Variants in SYNE3 observed in about 807,000 individuals in gnomAD.
The protein encoded by SYNE3 is nesprin-3.
Under a neutral mutation model 111.2 loss-of-function variants are expected in SYNE3, and 100 were observed. The observed-to-expected ratio is 0.90, with a 90% CI of 0.77 to 1.06. The LOEUF is 1.06. SYNE3 is among the 50% of genes least tolerant of loss of function. The pLI is 0.00. For synonymous variants in SYNE3, 547 were observed against 533.9 expected (o/e 1.02, Z -0.34); for missense variants, 1,160 against 1,240.3 (o/e 0.94, Z 0.97).
chr14:95,485,059 C>G lies in SYNE3; in HGVS notation c.-14-9224G>C, dbSNP rs893235730. Among the ~76,000 whole-genome samples the G allele has an allele frequency of 6.6e-6, 1 of 152,108 alleles. No individual in the cohort carries two copies. Among genetic ancestry groups the G allele is most frequent in the African/African-American group, 2.4e-5 (1 of 41,392 alleles). ...CTGCTCCAGGACCTCACTTTGAGAACCATGGGCTTGGAGGATGTCTCAGCC... is the reference window on the plus strand; with the variant it reads ...CTGCTCCAGGACCTCACTTTGAGAAGCATGGGCTTGGAGGATGTCTCAGCC... On this transcript the variant is annotated intron_variant, in intron 1 of 17. Coordinates refer to ENST00000682763, the MANE Select transcript of SYNE3 (RefSeq NM_152592.6). This position sits in a 1 kb window ranked among gnomAD's most constrained non-coding sequence, Gnocchi z 4.3.
At chr14:95,480,688 T>C (rs546956833) in intron 1 of SYNE3, among the ~76,000 whole-genome samples, 5 of 152,184 alleles carry the variant, frequency 3.3e-5, no homozygotes, top group Admixed American at 2.6e-4. Flanking sequence ...AAGCTCAGAG[T>C]GCTTTGAAGA....
At chr14:95,492,696 C>T (rs999366900) in intron 1 of SYNE3, among the ~76,000 whole-genome samples, 4 of 152,060 alleles carry the variant, frequency 2.6e-5, no homozygotes, top group Admixed American at 6.6e-5. Context: ...ATTGTGGTGA[C>T]GGCTGTACAG....
intron 1 of SYNE3, among the ~76,000 whole-genome samples, chr14:95,502,341 G>A (rs1379829224): frequency 4.7e-5 from 7 of 148,088 alleles, no homozygotes; most frequent in Non-Finnish European, 1.0e-4. Context: ...GCTAGCCAGA[G>A]TCACGAGCAG....
chr14:95,504,968 C>T (rs900915888), intron 1 of SYNE3, among the ~76,000 whole-genome samples: 6 of 152,252 alleles, frequency 3.9e-5, no homozygotes, highest in Non-Finnish European at 7.3e-5. Flanking sequence ...CCAGGCAGGG[C>T]CTGTTTATAT....
At chr14:95,433,149 T>TG in intron 16 of SYNE3, 111 bp downstream of exon 16, 2 of 1,455,610 alleles carry the variant, frequency 1.4e-6, no homozygotes, top group Non-Finnish European at 1.8e-6. Flanking sequence ...GTCTGGTGTG[T>TG]GAATGCACAG....
intron 15 of SYNE3, among the ~76,000 whole-genome samples, 181 bp from the exon 16 acceptor site, chr14:95,433,590 C>T (rs959472476): frequency 7.2e-5 from 11 of 152,252 alleles, no homozygotes; most frequent in Non-Finnish European, 1.2e-4. Flanking sequence ...CCCTTGCTCT[C>T]AGGAATGCTA....
chr14:95,466,021 G>A lies in SYNE3; in HGVS notation c.537C>T (p.Ser179=). 1 of 1,612,280 alleles carries A rather than the reference G, an allele frequency of 6.2e-7. No homozygotes were observed. The highest frequency in any genetic ancestry group is 8.5e-7 in the Non-Finnish European group (1 of 1,178,488). Residue 179 remains serine, a synonymous_variant, in exon 4 of 18, where the codon TCC becomes TCT. Transcript: ENST00000682763. ...LLDRLLEEAA[S]LFNRIGDPSV... ...TGGGGTCCCCGATCCTGTTGAACAGGGAGGCTGCCTCCTCCAGCAGCCGGT... is the reference window on the plus strand; with the variant it reads ...TGGGGTCCCCGATCCTGTTGAACAGAGAGGCTGCCTCCTCCAGCAGCCGGT...
At chr14:95,430,153 G>T (rs1484094175) in intron 17 of SYNE3, among the ~76,000 whole-genome samples, 1 of 152,220 alleles carries the variant, frequency 6.6e-6, no homozygotes, top group Non-Finnish European at 1.5e-5. Context: ...AAAACATTTA[G>T]TGTGCACTTA....
At chr14:95,440,914 C>T (rs576341129) in intron 11 of SYNE3, among the ~76,000 whole-genome samples, 6 of 152,310 alleles carry the variant, frequency 3.9e-5, no homozygotes, top group East Asian at 3.9e-4. Context: ...CAGATATTCA[C>T]GTTCAGTCTT....
chr14:95,433,375 A>G lies in SYNE3; in HGVS notation c.2573T>C (p.Leu858Pro). Residue 858 changes from leucine (L) to proline (P), a missense_variant, in exon 16 of 18, where the codon CTC becomes CCC. Leu to Pro is a moderately conservative substitution (Grantham distance 98). Coordinates refer to ENST00000682763, the MANE Select transcript of SYNE3 (RefSeq NM_152592.6). ...CCCGAGACGAAGGAGGTTCTCAAAG[A>G]GATGCTGACCTTCTGGCACCCGAGC... ...LEARVPEGQH[L>P]FENLLRLGPA... 6.2e-7 allele frequency: 1 copy of G among 1,614,078 alleles called. No individual in the cohort carries two copies. Among genetic ancestry groups the G allele is most frequent in the South Asian group, 1.1e-5 (1 of 91,078 alleles).
intron 15 of SYNE3, among the ~76,000 whole-genome samples, chr14:95,436,443 G>A (rs1007107814): frequency 3.9e-5 from 6 of 152,118 alleles, no homozygotes; most frequent in Admixed American, 1.3e-4. Flanking sequence ...GACAGCAGAC[G>A]GACTGGAGGC....
rs138486495 is a variant in SYNE3 at position 95,443,185 on chromosome 14, G to A, written c.1881C>T (p.Ser627=). The change falls in exon 11 of 18, where the codon TCC becomes TCT. Residue 627 remains serine (S), a synonymous_variant. Transcript: ENST00000682763. ...GAGACCTCTGCAGGGCCTGGAAGTC[G>A]GAGGAAAGCTGGTCCATTTTGTGCT... The part of the protein sequence containing the change: ...NHQHKMDQLS[S]DFQALQRSLE... The A allele has an allele frequency of 7.3e-4, 1,181 of 1,614,060 alleles. 1 individual carries two copies. Among genetic ancestry groups the A allele is most frequent in the Middle Eastern group, 1.3e-3 (8 of 6,038 alleles).
Position 95,426,943 on chromosome 14 carries a change from C to CAA in SYNE3, c.2727+5134_2727+5135dup, listed in dbSNP as rs574423106. Among the ~76,000 whole-genome samples, 644 of 104,682 alleles carry CAA rather than the reference C, an allele frequency of 6.2e-3. 37 individuals carry two copies. Among genetic ancestry groups the CAA allele is most frequent in the African/African-American group, 0.017 (377 of 22,340 alleles). The allele number at this position is 104,682 out of a possible 152,430, so 68.7% of individuals were successfully genotyped here. On this transcript the variant is annotated intron_variant, in intron 17 of 17. Coordinates refer to ENST00000682763, the MANE Select transcript of SYNE3 (RefSeq NM_152592.6). ...TGGGTGACAAAGCAAGACTCCATCT[C>CAA]AAAAAAAAAAAAAAAAAAAGAATAG...
rs1465256841 is a variant in SYNE3, at chr14:95,470,350, G to T, written c.145-2383C>A. Among the ~76,000 whole-genome samples the T allele has an allele frequency of 1.3e-5, 2 of 152,148 alleles. No individual in the cohort carries two copies. Among genetic ancestry groups the T allele is most frequent in the Non-Finnish European group, 2.9e-5 (2 of 68,034 alleles). On this transcript the variant is annotated intron_variant, in intron 2 of 17. Transcript: ENST00000682763. This position sits in a 1 kb window ranked among gnomAD's most constrained non-coding sequence, Gnocchi z 4.2. Reference sequence around the variant, plus strand: ...TTTAATTTGATTAAAAATAATAGTAGACCAGGCGTGGTGACTCATGCCTGT... The same window carrying T: ...TTTAATTTGATTAAAAATAATAGTATACCAGGCGTGGTGACTCATGCCTGT...
chr14:95,470,936 C>T lies in SYNE3; in HGVS notation c.145-2969G>A, dbSNP rs534528131. Among the ~76,000 whole-genome samples, 1 of 151,550 alleles carries T rather than the reference C, an allele frequency of 6.6e-6. No individual in the cohort carries two copies. The highest frequency in any genetic ancestry group is 2.4e-5 in the African/African-American group (1 of 41,318). On this transcript the variant is annotated intron_variant, in intron 2 of 17. Transcript: ENST00000682763. The surrounding 1 kb of genome is among the most constrained non-coding windows in gnomAD (Gnocchi z 4.2). ...TCACAACACTGCACTCCAGCCATCA[C>T]ACCACTGCACTCCAGCCTGGGCAAC...
chr14:95,445,678 C>T (rs1400142837), intron 9 of SYNE3, among the ~76,000 whole-genome samples: 1 of 152,194 alleles, frequency 6.6e-6, no homozygotes, highest in African/African-American at 2.4e-5. Context: ...GGGGACAGGG[C>T]TGGGAGGCAG....
In SYNE3 at chr14:95,488,573, A is replaced by C. The variant is rs1275228447; in HGVS notation, c.-14-12738T>G. On this transcript the variant is annotated intron_variant, in intron 1 of 17. Coordinates refer to ENST00000682763, the MANE Select transcript of SYNE3 (RefSeq NM_152592.6). The stretch of plus-strand genomic sequence containing the variant: ...CCAGGCGTGGTGGCTCACACCTGTG[A>C]TCCCAGCACTCTGGGAGGCCAAGGT... 2.6e-5 allele frequency among the ~76,000 whole-genome samples: 4 copies of C among 151,272 alleles called. No individual in the cohort carries two copies. The East Asian group carries it at 7.8e-4, about 30-fold the overall frequency.
intron 17 of SYNE3, among the ~76,000 whole-genome samples, chr14:95,419,203 G>T (rs1291484176): frequency 6.6e-6 from 1 of 152,212 alleles, no homozygotes; most frequent in Non-Finnish European, 1.5e-5. Flanking sequence ...TCAAGATGCT[G>T]CAGAGTGCAG....
intron 1 of SYNE3, among the ~76,000 whole-genome samples, chr14:95,499,429 G>C (rs539893009): frequency 6.6e-6 from 1 of 152,178 alleles, no homozygotes; most frequent in Admixed American, 6.5e-5. Context: ...GTGGCTCCCT[G>C]TATGCATCAT....
Sources: allele counts gnomAD v4.1 joint callset (sites outside exome capture counted in the v4.1 genomes callset), GRCh38; gene constraint gnomAD v4.1.1; non-coding constraint Gnocchi (gnomAD v3.1); transcripts MANE v1.5; gene names NCBI Gene and HGNC (gene_info 2026-07-23, HGNC 2026-07-21).